Variants in KIAA1671 observed in about 807,000 individuals in gnomAD.
The protein encoded by KIAA1671 is KIAA1671.
In KIAA1671, 52 loss-of-function variants were observed where a neutral mutation model predicts 131.2. The observed-to-expected ratio is 0.40, with a 90% CI of 0.32 to 0.50. The LOEUF is 0.50. Among genes scored for constraint, KIAA1671 ranks in the 20% least tolerant of loss-of-function variants. KIAA1671 has a pLI of 0.73. For missense variants in KIAA1671, 2,360 were observed against 2,364.2 expected, an observed-to-expected ratio of 1.00 and a Z score of 0.04; for synonymous variants, 1,003 against 961.6, an observed-to-expected ratio of 1.04 and a Z score of -0.80.
intron 6 of KIAA1671, among the ~76,000 whole-genome samples, chr22:25,104,561 C>T (rs1164082081): frequency 3.9e-5 from 6 of 152,128 alleles, no homozygotes; most frequent in African/African-American, 1.2e-4. Flanking sequence ...TCTTGGAATA[C>T]TCCTATTTAT....
chr22:25,120,235 C>T (rs1931865881), intron 6 of KIAA1671, among the ~76,000 whole-genome samples: 1 of 152,218 alleles, frequency 6.6e-6, no homozygotes, highest in Non-Finnish European at 1.5e-5. Flanking sequence ...CGGGCTGCAC[C>T]TTGGGGTTTG....
intron 6 of KIAA1671, among the ~76,000 whole-genome samples, chr22:25,153,776 G>C (rs1156831015): frequency 2.6e-5 from 4 of 152,202 alleles, no homozygotes; most frequent in Non-Finnish European, 5.9e-5. Flanking sequence ...GAGCATCCTG[G>C]CTGCAGCATC....
chr22:25,182,323 T>TTTTCTCTTCTTTCTTTCCTCCCTCCC (rs67723160), intron 10 of KIAA1671, among the ~76,000 whole-genome samples: 19 of 146,294 alleles, frequency 1.3e-4, no homozygotes, highest in East Asian at 4.2e-4. Context: ...TTCTCCTTCC[T>TTTTCTCTTCTTTCTTTCCTCCCTCCC]TTTCTCTTCT....
chr22:24,993,905 C>A lies in KIAA1671; in HGVS notation c.-207-31728C>A, dbSNP rs898727160. ...ACCAGCCTGGCCAACATGGTGAAAC[C>A]CTGTCTCTGCTACAAATACAAAAAA... On this transcript the variant is annotated intron_variant, in intron 1 of 12. Transcript: ENST00000358431. Among the ~76,000 whole-genome samples the A allele has an allele frequency of 1.2e-4, 19 of 152,104 alleles. 1 individual carries two copies. The highest frequency in any genetic ancestry group is 4.3e-4 in the African/African-American group (18 of 41,508).
chr22:25,096,263 C>G (rs937570454), intron 6 of KIAA1671, among the ~76,000 whole-genome samples: 3 of 152,234 alleles, frequency 2.0e-5, no homozygotes, highest in African/African-American at 7.2e-5. Context: ...CCACACAGGG[C>G]CTTGAGGCTC....
chr22:25,031,927 T>C lies in KIAA1671; in HGVS notation c.1542-682T>C, dbSNP rs1436550158. 5.9e-5 allele frequency among the ~76,000 whole-genome samples: 9 copies of C among 152,344 alleles called. No individual in the cohort carries two copies. The East Asian group carries it at 1.7e-3, about 29-fold the overall frequency. Reference sequence around the variant, plus strand: ...GGTTTGATTTCTCTCCCTTTCCTTTTCTTCAGTCCCCAGCTTTGAACTAAA... The same window carrying C: ...GGTTTGATTTCTCTCCCTTTCCTTTCCTTCAGTCCCCAGCTTTGAACTAAA... On this transcript the variant is annotated intron_variant, in intron 3 of 12. Transcript: ENST00000358431.
At chr22:25,114,398 C>G (rs1601327741) in intron 6 of KIAA1671, among the ~76,000 whole-genome samples, 1 of 152,246 alleles carries the variant, frequency 6.6e-6, no homozygotes, top group African/African-American at 2.4e-5. Flanking sequence ...TGTGAATGCT[C>G]TCTCTCTGTT....
At chr22:24,997,966 A>G (rs571931670) in intron 1 of KIAA1671, among the ~76,000 whole-genome samples, 6 of 152,292 alleles carry the variant, frequency 3.9e-5, no homozygotes, top group Non-Finnish European at 8.8e-5. Flanking sequence ...GTTTTACAGA[A>G]CAGTTTAGAA....
chr22:25,027,044 A>C (rs1028317948), intron 2 of KIAA1671, among the ~76,000 whole-genome samples: 1 of 152,142 alleles, frequency 6.6e-6, no homozygotes, highest in African/African-American at 2.4e-5. Flanking sequence ...AAAACACAAG[A>C]AGCATGTGGC....
intron 6 of KIAA1671, among the ~76,000 whole-genome samples, chr22:25,134,950 A>G (rs545408700): frequency 2.0e-4 from 31 of 152,310 alleles, no homozygotes; most frequent in Non-Finnish European, 4.1e-4. Flanking sequence ...CACTCTATAC[A>G]TGTTAGCAGT....
intron 1 of KIAA1671, among the ~76,000 whole-genome samples, chr22:24,987,064 C>T (rs933657030): frequency 6.6e-6 from 1 of 152,032 alleles, no homozygotes; most frequent in Non-Finnish European, 1.5e-5. Flanking sequence ...TGACTGCAAT[C>T]ACAACTTATG....
At position 25,041,767 on chromosome 22, in the gene KIAA1671, AAG is replaced by A. The variant is rs369456548; in HGVS notation, c.4395+245_4395+246del. On this transcript the variant is annotated intron_variant, in intron 5 of 12. Coordinates refer to ENST00000358431, the MANE Select transcript of KIAA1671 (RefSeq NM_001145206.2). ...TTTGTTTATTTGTTTGTTTGAAACA[AAG>A]AGTCTTGCTTAGTTGCCCAGGCTGG... 7.2e-3 allele frequency among the ~76,000 whole-genome samples: 1,100 copies of A among 152,246 alleles called. 12 individuals carry two copies. Among genetic ancestry groups the A allele is most frequent in the African/African-American group, 0.025 (1,032 of 41,544 alleles).
intron 6 of KIAA1671, among the ~76,000 whole-genome samples, chr22:25,168,040 A>C (rs1403370056): frequency 6.6e-6 from 1 of 152,058 alleles, no homozygotes; most frequent in Non-Finnish European, 1.5e-5. Context: ...CCAGGTGCCC[A>C]CTCATTCTGC....
chr22:25,029,933 G>A (rs915457129), intron 3 of KIAA1671, among the ~76,000 whole-genome samples: 19 of 152,256 alleles, frequency 1.2e-4, no homozygotes, highest in African/African-American at 4.6e-4. Flanking sequence ...AAGTCAGAGA[G>A]AGAACGCTTA....
intron 6 of KIAA1671, among the ~76,000 whole-genome samples, chr22:25,116,367 C>G (rs1255943991): frequency 6.6e-6 from 1 of 151,214 alleles, no homozygotes; most frequent in East Asian, 1.9e-4. Context: ...GCCACTGTAC[C>G]CCACCCCCTC....
intron 1 of KIAA1671, among the ~76,000 whole-genome samples, chr22:24,987,596 G>A (rs1438371941): frequency 2.0e-5 from 3 of 152,062 alleles, no homozygotes; most frequent in Non-Finnish European, 2.9e-5. Context: ...TCAGCCTCCT[G>A]AGTAACTGAG....
chr22:25,035,642 A>G (rs1926547395), intron 4 of KIAA1671, among the ~76,000 whole-genome samples: 1 of 152,176 alleles, frequency 6.6e-6, no homozygotes, highest in African/African-American at 2.4e-5. Flanking sequence ...AAGTAATTAA[A>G]GCTCCTTATA....
In KIAA1671 at chr22:25,194,607, T is replaced by G. The variant is rs1298912277; in HGVS notation, c.*2206T>G. Reference sequence around the variant, plus strand: ...GAAAATGAGATTGACCTGGAGATTTTTTTTCCCTAATCTCTCATACCTTAA... The same window carrying G: ...GAAAATGAGATTGACCTGGAGATTTGTTTTCCCTAATCTCTCATACCTTAA... On this transcript the variant is annotated 3_prime_UTR_variant, in exon 13 of 13. Transcript: ENST00000358431. 6.6e-6 allele frequency: 1 copy of G among 152,224 alleles called. No homozygotes were observed. The highest frequency in any genetic ancestry group is 1.5e-5 in the Non-Finnish European group (1 of 68,046). 9.4% of individuals were successfully genotyped at this position (152,224 alleles called of 1,614,324 possible).
intron 6 of KIAA1671, among the ~76,000 whole-genome samples, chr22:25,121,008 C>T (rs1280383031): frequency 3.3e-5 from 5 of 152,182 alleles, no homozygotes; most frequent in Non-Finnish European, 7.3e-5. Flanking sequence ...CCCTTTGTTA[C>T]TCTCACTTTT....
Sources: gnomAD v4.1 joint callset for allele counts (sites outside exome capture counted in the v4.1 genomes callset) on GRCh38, gnomAD v4.1.1 for gene constraint, MANE v1.5 for transcripts, NCBI Gene and HGNC (gene_info 2026-07-23, HGNC 2026-07-21) for gene names.